Variants in PKIA observed in about 807,000 individuals in gnomAD.
PKIA encodes the protein cAMP-dependent protein kinase inhibitor alpha.
In PKIA, 4 loss-of-function variants were observed where a neutral mutation model predicts 7.6. The observed-to-expected ratio is 0.52, with a 90% confidence interval of 0.26 to 1.20. The LOEUF is 1.20. Among genes scored for constraint, PKIA ranks in the 50% most tolerant of loss-of-function variants. PKIA has a pLI of 0.13. For missense variants in PKIA, 73 were observed against 86.2 expected (o/e 0.85, Z 0.61); for synonymous variants, 21 against 30.7 (o/e 0.68, Z 1.04).
intron 1 of PKIA, among the ~76,000 whole-genome samples, chr8:78,550,725 T>C (rs1000381147): frequency 2.0e-4 from 31 of 152,046 alleles, no homozygotes; most frequent in Admixed American, 1.8e-3. Flanking sequence ...GTATATTCTT[T>C]AGTGGTGATT....
rs958293674 is a variant in PKIA, at chr8:78,538,341, A to G, written c.-157+21873A>G. On this transcript the variant is annotated intron_variant, in intron 1 of 3. Coordinates refer to ENST00000396418, the MANE Select transcript of PKIA (RefSeq NM_006823.4). ...CTACTCTTTATTGTTTTAAACTTCT[A>G]TAGTTATCCTGGGGAAATATGAGAG... Among the ~76,000 whole-genome samples the G allele has an allele frequency of 3.9e-5, 6 of 152,220 alleles. No homozygotes were observed. The South Asian group carries it at 8.3e-4, about 21-fold the overall frequency.
At chr8:78,585,498 C>T (rs978293548) in intron 2 of PKIA, among the ~76,000 whole-genome samples, 2 of 152,004 alleles carry the variant, frequency 1.3e-5, no homozygotes, top group African/African-American at 2.4e-5. Context: ...ATTCTAACAA[C>T]GTTCAGACAT....
chr8:78,519,149 C>G (rs980349358), intron 1 of PKIA, among the ~76,000 whole-genome samples: 10 of 150,364 alleles, frequency 6.7e-5, no homozygotes, highest in Admixed American at 6.6e-4. Context: ...CAAGATAGAA[C>G]TGAAGTCAGT....
rs939103987 is a variant in PKIA at position 78,603,172 on chromosome 8, T to A, written c.*1351T>A. 10 of 152,382 alleles carry A rather than the reference T, an allele frequency of 6.6e-5. No homozygotes were observed. Among genetic ancestry groups the A allele is most frequent in the African/African-American group, 2.4e-4 (10 of 41,408 alleles). 9.4% of individuals were successfully genotyped at this position (152,382 alleles called of 1,614,324 possible). On this transcript the variant is annotated 3_prime_UTR_variant, in exon 4 of 4. Coordinates refer to ENST00000396418, the MANE Select transcript of PKIA (RefSeq NM_006823.4). ...AGCTGTGTAATCCCTCTGGTCAGTA[T>A]TATGAAATCATTTGTCAGTGGTAAT... is the stretch of plus-strand genomic sequence containing the variant.
At chr8:78,556,436 G>T (rs1807139163) in intron 1 of PKIA, 1 of 146,490 alleles carries the variant, frequency 6.8e-6, no homozygotes, top group Admixed American at 6.7e-5. Context: ...ACAAAAATGG[G>T]ATTTTGTTTT....
chr8:78,526,086 T>A (rs1457708733), intron 1 of PKIA, among the ~76,000 whole-genome samples: 2 of 152,094 alleles, frequency 1.3e-5, no homozygotes, highest in Non-Finnish European at 2.9e-5. Context: ...ACTGACAATT[T>A]ACACAGCCAG....
At chr8:78,521,119 CA>C (rs1431294418) in intron 1 of PKIA, among the ~76,000 whole-genome samples, 1 of 151,906 alleles carries the variant, frequency 6.6e-6, no homozygotes, top group Non-Finnish European at 1.5e-5. Flanking sequence ...GCCATTTTTA[CA>C]AAAAAGAAAC....
At position 78,603,920 on chromosome 8, in the gene PKIA, A is replaced by C. The variant is rs1808414250; in HGVS notation, c.*2099A>C. The stretch of plus-strand genomic sequence containing the variant: ...CATGCTTGTCTTTAAATATATAAAT[A>C]GTGCTAAATTGCAAAGTCATATGGA... On this transcript the variant is annotated 3_prime_UTR_variant, in exon 4 of 4. Transcript: ENST00000396418. 6.6e-6 allele frequency: 1 copy of C among 152,010 alleles called. No homozygotes were observed. Among genetic ancestry groups the C allele is most frequent in the South Asian group, 2.1e-4 (1 of 4,828 alleles). 9.4% of individuals were successfully genotyped at this position (152,010 alleles called of 1,614,324 possible).
chr8:78,549,251 T>C (rs572746291), intron 1 of PKIA, among the ~76,000 whole-genome samples: 150 of 152,102 alleles, frequency 9.9e-4, no homozygotes, highest in Non-Finnish European at 1.5e-3. Context: ...AATGTTCAGA[T>C]GCTATGTGTT....
At chr8:78,530,252 GCT>G (rs1352880197) in intron 1 of PKIA, among the ~76,000 whole-genome samples, 4 of 151,946 alleles carry the variant, frequency 2.6e-5, no homozygotes, top group Non-Finnish European at 5.9e-5. Flanking sequence ...GTAGTAATTT[GCT>G]CTCTTAATCA....
chr8:78,592,227 A>G (rs1808117159), intron 2 of PKIA, among the ~76,000 whole-genome samples: 1 of 152,122 alleles, frequency 6.6e-6, no homozygotes, highest in Non-Finnish European at 1.5e-5. Flanking sequence ...AGTATACAAT[A>G]TATATTTTGT....
chr8:78,523,289 TG>T (rs1809451500), intron 1 of PKIA, among the ~76,000 whole-genome samples: 2 of 151,824 alleles, frequency 1.3e-5, no homozygotes, highest in African/African-American at 4.8e-5. Flanking sequence ...TTGATTGGGG[TG>T]GGGGGAATTA....
intron 2 of PKIA, among the ~76,000 whole-genome samples, chr8:78,580,042 C>G (rs1455602555): frequency 1.3e-5 from 2 of 152,022 alleles, no homozygotes; most frequent in African/African-American, 4.8e-5. Context: ...ATAAAGACCA[C>G]TACAGATACT....
chr8:78,564,430 C>T (rs1290782295), intron 1 of PKIA, among the ~76,000 whole-genome samples: 1 of 151,878 alleles, frequency 6.6e-6, no homozygotes, highest in Non-Finnish European at 1.5e-5. Flanking sequence ...TGATGTTCAA[C>T]TTTAATAGTT....
intron 1 of PKIA, among the ~76,000 whole-genome samples, chr8:78,546,002 T>C (rs1358271478): frequency 1.3e-5 from 2 of 152,194 alleles, no homozygotes; most frequent in African/African-American, 4.8e-5. Context: ...CTCATTAGAT[T>C]ATTTTGTGAG....
intron 1 of PKIA, among the ~76,000 whole-genome samples, chr8:78,528,377 G>T (rs1460991148): frequency 6.6e-6 from 1 of 151,988 alleles, no homozygotes; most frequent in Non-Finnish European, 1.5e-5. Flanking sequence ...AATGCCATTA[G>T]TTGGATCATT....
intron 3 of PKIA, among the ~76,000 whole-genome samples, 171 bp downstream of exon 3, chr8:78,598,706 A>G (rs557908643): frequency 6.6e-6 from 1 of 152,238 alleles, no homozygotes; most frequent in African/African-American, 2.4e-5. Context: ...CTCCTGCTCT[A>G]TTTTCAATGA....
chr8:78,522,862 TA>T (rs1554578449), intron 1 of PKIA, among the ~76,000 whole-genome samples: 1 of 152,028 alleles, frequency 6.6e-6, no homozygotes, highest in Non-Finnish European at 1.5e-5. Context: ...GTAAATCTTT[TA>T]TTTTTTTTTC....
intron 2 of PKIA, among the ~76,000 whole-genome samples, chr8:78,580,597 G>A (rs935057557): frequency 6.6e-6 from 1 of 152,026 alleles, no homozygotes; most frequent in Non-Finnish European, 1.5e-5. Flanking sequence ...GAAGGAGAAG[G>A]ACATCTACAT....
Sources: allele counts gnomAD v4.1 joint callset (sites outside exome capture counted in the v4.1 genomes callset), GRCh38; gene constraint gnomAD v4.1.1; transcripts MANE v1.5; gene names NCBI Gene and HGNC (gene_info 2026-07-23, HGNC 2026-07-21).